The following MACROD2 variants were observed in gnomAD, a reference collection of about 807,000 sequenced individuals.
MACROD2 encodes ADP-ribose glycohydrolase MACROD2.
MACROD2 carries 36 observed loss-of-function variants against 70.4 expected under a neutral mutation model. The observed-to-expected ratio is 0.51, with a 90% CI of 0.39 to 0.68. The LOEUF is 0.68. Among genes scored for constraint, MACROD2 ranks in the 30% least tolerant of loss-of-function variants. The pLI, the probability that MACROD2 is intolerant of heterozygous loss-of-function variation, is 0.00. For missense variants in MACROD2, 496 were observed against 538.4 expected (o/e 0.92, Z 0.78); for synonymous variants, 172 against 178.8 (o/e 0.96, Z 0.30).
At chr20:14,681,955 A>ATT (rs1453108746) in intron 4 of MACROD2, among the ~76,000 whole-genome samples, 1 of 152,160 alleles carries the variant, frequency 6.6e-6, no homozygotes, top group Admixed American at 6.6e-5. Flanking sequence ...AGATGATAAA[A>ATT]TTAATATTTA....
chr20:14,718,469 C>T (rs1480237796), intron 5 of MACROD2, among the ~76,000 whole-genome samples: 1 of 151,892 alleles, frequency 6.6e-6, no homozygotes, highest in Non-Finnish European at 1.5e-5. Context: ...CTCCTTCTCT[C>T]CCTCCACTGA....
At chr20:16,048,616 A>G (rs2067416435) in intron 17 of MACROD2, among the ~76,000 whole-genome samples, 2 of 152,132 alleles carry the variant, frequency 1.3e-5, no homozygotes. Context: ...CAGAACCACA[A>G]GGAAATCCCA....
At chr20:14,064,456 T>G (rs2053731088) in intron 2 of MACROD2, among the ~76,000 whole-genome samples, 1 of 152,164 alleles carries the variant, frequency 6.6e-6, no homozygotes, top group Admixed American at 6.5e-5. Flanking sequence ...TTAATTATCT[T>G]CTTTCCCAAG....
At chr20:14,986,364 T>C (rs1335205185) in intron 5 of MACROD2, among the ~76,000 whole-genome samples, 2 of 152,140 alleles carry the variant, frequency 1.3e-5, no homozygotes, top group African/African-American at 4.8e-5. Context: ...ATGCCTCACC[T>C]AAGGTTCCCG....
intron 7 of MACROD2, among the ~76,000 whole-genome samples, chr20:15,477,902 A>AGG (rs2047044205): frequency 6.6e-6 from 1 of 152,150 alleles, no homozygotes; most frequent in South Asian, 2.1e-4. Flanking sequence ...AAGCAGAGGG[A>AGG]GGGAAGGAGA....
At chr20:14,160,353 G>A (rs1435480033) in intron 3 of MACROD2, among the ~76,000 whole-genome samples, 2 of 152,104 alleles carry the variant, frequency 1.3e-5, no homozygotes, top group African/African-American at 4.8e-5. Flanking sequence ...TTTGGTCCCG[G>A]ACTTTTCTTT....
chr20:15,366,268 T>TC (rs895402157), intron 6 of MACROD2, among the ~76,000 whole-genome samples: 3 of 152,040 alleles, frequency 2.0e-5, no homozygotes, highest in African/African-American at 4.8e-5. Flanking sequence ...CAGTAATTTT[T>TC]CCCCCCACTA....
At chr20:14,511,816 A>G (rs1249212338) in intron 4 of MACROD2, among the ~76,000 whole-genome samples, 1 of 152,114 alleles carries the variant, frequency 6.6e-6, no homozygotes, top group Admixed American at 6.6e-5. Context: ...ATCCTTTAGG[A>G]CACAATAACA....
At chr20:15,296,364 A>C (rs1489637559) in intron 6 of MACROD2, among the ~76,000 whole-genome samples, 2 of 152,120 alleles carry the variant, frequency 1.3e-5, no homozygotes, top group African/African-American at 4.8e-5. Context: ...CATCCACCTG[A>C]AGCAAATGTA....
chr20:15,357,568 T>A (rs2146237500), intron 6 of MACROD2, among the ~76,000 whole-genome samples: 1 of 152,262 alleles, frequency 6.6e-6, no homozygotes, highest in East Asian at 1.9e-4. Context: ...AATATCCAGA[T>A]AATTAATAAT....
chr20:14,621,266 A>G (rs1353958375), intron 4 of MACROD2, among the ~76,000 whole-genome samples: 1 of 152,096 alleles, frequency 6.6e-6, no homozygotes, highest in Non-Finnish European at 1.5e-5. Context: ...TGTAATTCTT[A>G]TTAGGGCTTC....
intron 3 of MACROD2, among the ~76,000 whole-genome samples, chr20:14,485,626 A>G (rs569549708): frequency 1.0e-3 from 126 of 121,530 alleles, no homozygotes; most frequent in Admixed American, 3.5e-3. Context: ...ACGTGAACCC[A>G]GGAGGCGGAG....
intron 4 of MACROD2, among the ~76,000 whole-genome samples, chr20:14,643,760 C>A (rs1000978346): frequency 6.6e-6 from 1 of 152,136 alleles, no homozygotes; most frequent in Non-Finnish European, 1.5e-5. Context: ...TGACAAGGCA[C>A]CTGTGGTGAC....
intron 15 of MACROD2, among the ~76,000 whole-genome samples, chr20:16,013,159 A>G (rs2066885423): frequency 7.3e-6 from 1 of 136,370 alleles, no homozygotes; most frequent in Admixed American, 7.7e-5. Flanking sequence ...CAACCTGGTG[A>G]CAGAGCAAGA....
At chr20:14,254,342 G>A (rs1471050535) in intron 3 of MACROD2, among the ~76,000 whole-genome samples, 1 of 151,704 alleles carries the variant, frequency 6.6e-6, no homozygotes, top group African/African-American at 2.4e-5. Context: ...ATATACACTT[G>A]AATGTATCTA....
At chr20:15,568,462 G>A (rs137967011) in intron 8 of MACROD2, among the ~76,000 whole-genome samples, 102 of 152,160 alleles carry the variant, frequency 6.7e-4, no homozygotes, top group African/African-American at 2.4e-3. Flanking sequence ...TGTCAACACC[G>A]TTGGCTGCTC....
intron 5 of MACROD2, among the ~76,000 whole-genome samples, chr20:14,839,754 A>G (rs989088265): frequency 3.3e-5 from 5 of 152,086 alleles, no homozygotes; most frequent in Admixed American, 2.0e-4. Context: ...TAGGAAAAAG[A>G]GAGCCCCCTC....
At chr20:14,474,206 C>T (rs949591649) in intron 3 of MACROD2, among the ~76,000 whole-genome samples, 11 of 151,552 alleles carry the variant, frequency 7.3e-5, no homozygotes, top group African/African-American at 1.9e-4. Context: ...TTTTTATTTT[C>T]GTTGCCTGTG....
intron 6 of MACROD2, among the ~76,000 whole-genome samples, chr20:15,361,101 T>C (rs2078346650): frequency 6.6e-6 from 1 of 152,172 alleles, no homozygotes; most frequent in Non-Finnish European, 1.5e-5. Context: ...TTACAGATCA[T>C]GCTTTTGCTG....
Sources: gnomAD v4.1 joint callset for allele counts (sites outside exome capture counted in the v4.1 genomes callset) on GRCh38, gnomAD v4.1.1 for gene constraint, MANE v1.5 for transcripts, NCBI Gene and HGNC (gene_info 2026-07-23, HGNC 2026-07-21) for gene names.